Variants in LYRM7 observed in about 807,000 individuals in gnomAD.
LYRM7 encodes the protein LYR motif containing 7.
A neutral mutation model predicts 15.8 loss-of-function variants in LYRM7; 9 were observed. The ratio of observed to expected loss-of-function variants is 0.57; its 90% CI spans 0.34 to 0.99. The LOEUF (loss-of-function observed/expected upper bound fraction) is 0.99, where lower values mean the gene tolerates loss of function less well. Among genes scored for constraint, LYRM7 ranks in the 50% least tolerant of loss-of-function variants. LYRM7 has a pLI of 0.02. For missense variants in LYRM7, 115 were observed against 119.1 expected, an observed-to-expected ratio of 0.97 and a Z score of 0.16; for synonymous variants, 39 against 39.4, an observed-to-expected ratio of 0.99 and a Z score of 0.04.
intron 1 of LYRM7, among the ~76,000 whole-genome samples, chr5:131,171,303 G>A (rs115631711): frequency 6.4e-4 from 98 of 152,220 alleles, no homozygotes; most frequent in African/African-American, 2.2e-3. Flanking sequence ...ACAAATCTGC[G>A]ACTTGAGTTC....
chr5:131,179,525 G>C (rs930333697), intron 1 of LYRM7, among the ~76,000 whole-genome samples: 1 of 122,472 alleles, frequency 8.2e-6, no homozygotes, highest in Non-Finnish European at 1.6e-5. Flanking sequence ...CTGGAGTGTA[G>C]TAGTGCAGTC....
intron 4 of LYRM7, among the ~76,000 whole-genome samples, chr5:131,199,189 T>C (rs1756018471): frequency 1.3e-5 from 2 of 152,236 alleles, no homozygotes; most frequent in African/African-American, 4.8e-5. Context: ...GTAGATAGTA[T>C]AAGCAAAATT....
rs118076425 is a variant in LYRM7 at position 131,174,597 on chromosome 5, A to G, written c.18+3559A>G. On this transcript the variant is annotated intron_variant, in intron 1 of 4. Transcript: ENST00000379380. ...AAGTCTGGCTCACACCTCTAATCCC[A>G]GCACTATGGGAGGCTGAGGTGGGCA... is the stretch of plus-strand genomic sequence containing the variant. 8.3e-3 allele frequency among the ~76,000 whole-genome samples: 1,264 copies of G among 152,272 alleles called. 44 individuals carry two copies. The highest frequency in any genetic ancestry group is 0.053 in the East Asian group (277 of 5,178).
At chr5:131,171,522 A>T (rs1472490023) in intron 1 of LYRM7, 3 of 153,714 alleles carry the variant, frequency 2.0e-5, no homozygotes, top group African/African-American at 7.2e-5. Context: ...AGCAAGACAG[A>T]GCAGGGACTG....
intron 4 of LYRM7, among the ~76,000 whole-genome samples, chr5:131,194,093 A>T (rs17165965): frequency 0.019 from 2,820 of 152,320 alleles, 87 homozygotes; most frequent in African/African-American, 0.064. Flanking sequence ...AAGTACAGGA[A>T]ATAAACCATG....
chr5:131,180,347 A>C lies in LYRM7; in HGVS notation c.91+180A>C, dbSNP rs547410515. Among the ~76,000 whole-genome samples the C allele has an allele frequency of 2.6e-5, 4 of 152,220 alleles. No individual in the cohort carries two copies. In the East Asian group the frequency reaches 7.7e-4, roughly 29 times the overall value. The stretch of plus-strand genomic sequence containing the variant: ...TTTGAGAAATATCTACTTAAAGAAA[A>C]ATTTTTAAAGATCAAGTCTTCATAA... On this transcript the variant is annotated intron_variant, in intron 2 of 4. Coordinates refer to ENST00000379380, the MANE Select transcript of LYRM7 (RefSeq NM_181705.4).
chr5:131,195,583 C>G lies in LYRM7; in HGVS notation c.245-3948C>G, dbSNP rs573332252. Among the ~76,000 whole-genome samples the G allele has an allele frequency of 1.6e-4, 24 of 152,282 alleles. No homozygotes were observed. The South Asian group carries it at 5.0e-3, about 32-fold the overall frequency. On this transcript the variant is annotated intron_variant, in intron 4 of 4. Coordinates refer to ENST00000379380, the MANE Select transcript of LYRM7 (RefSeq NM_181705.4). ...ATTAGATATATGATTCATTTACTGA[C>G]TGGAACTTACTATTCTTCATTGCTT... is the stretch of plus-strand genomic sequence containing the variant.
intron 1 of LYRM7, among the ~76,000 whole-genome samples, chr5:131,175,455 T>C (rs555433460): frequency 6.6e-6 from 1 of 152,246 alleles, no homozygotes; most frequent in Admixed American, 6.5e-5. Context: ...TGCCTTGACC[T>C]CCCAAAGTGC....
At chr5:131,197,946 C>G (rs189653078) in intron 4 of LYRM7, among the ~76,000 whole-genome samples, 7 of 150,982 alleles carry the variant, frequency 4.6e-5, no homozygotes, top group Non-Finnish European at 8.8e-5. Context: ...AAAAAAAGTG[C>G]AAAAGTTGAA....
Position 131,170,949 on chromosome 5 carries a change from A to G in LYRM7, c.-72A>G, listed in dbSNP as rs1443385697. On this transcript the variant is annotated 5_prime_UTR_variant, in exon 1 of 5. Coordinates refer to ENST00000379380, the MANE Select transcript of LYRM7 (RefSeq NM_181705.4). ...GACTACAGGGGGCTGGAAACAGTTC[A>G]GTCTTTGATTGGTTGCTGAGAGGCG... 1.3e-6 allele frequency: 2 copies of G among 1,506,958 alleles called. No individual in the cohort carries two copies. The highest frequency in any genetic ancestry group is 1.3e-5 in the South Asian group (1 of 77,138). 93.3% of individuals were successfully genotyped at this position (1,506,958 alleles called of 1,614,324 possible).
intron 1 of LYRM7, among the ~76,000 whole-genome samples, chr5:131,171,954 A>AT (rs1755529722): frequency 6.6e-6 from 1 of 152,228 alleles, no homozygotes; most frequent in Non-Finnish European, 1.5e-5. Context: ...CATTTAGCCT[A>AT]TATTGTCTAA....
intron 1 of LYRM7, among the ~76,000 whole-genome samples, chr5:131,172,573 A>G (rs910111021): frequency 5.9e-5 from 9 of 152,198 alleles, no homozygotes; most frequent in Non-Finnish European, 1.2e-4. Context: ...ATACAAATGG[A>G]ATTAAGTAGG....
intron 1 of LYRM7, among the ~76,000 whole-genome samples, chr5:131,177,516 G>A (rs1468505353): frequency 6.6e-6 from 1 of 152,202 alleles, no homozygotes; most frequent in Non-Finnish European, 1.5e-5. Context: ...TTCTAAAGCA[G>A]ACATTTTTTC....
rs750968830 is a variant in LYRM7, at chr5:131,171,008, G to A, written c.-13G>A. ...CGACTGCTCTGGAGGTAGCGGCCGC[G>A]GTGAGGAGAGCCATGGGACGGGCAG... On this transcript the variant is annotated 5_prime_UTR_variant, in exon 1 of 5. Transcript: ENST00000379380. 2 of 1,546,982 alleles carry A rather than the reference G, an allele frequency of 1.3e-6. No homozygotes were observed. Among genetic ancestry groups the A allele is most frequent in the Admixed American group, 2.1e-5 (1 of 46,920 alleles).
chr5:131,194,658 G>A (rs1561548647), intron 4 of LYRM7, among the ~76,000 whole-genome samples: 1 of 152,200 alleles, frequency 6.6e-6, no homozygotes, highest in Non-Finnish European at 1.5e-5. Flanking sequence ...GGCAAGAGCA[G>A]ACATAGTAAG....
chr5:131,177,414 C>T (rs1323522172), intron 1 of LYRM7, among the ~76,000 whole-genome samples: 1 of 152,150 alleles, frequency 6.6e-6, no homozygotes, highest in Non-Finnish European at 1.5e-5. Flanking sequence ...TGTAGCTTTC[C>T]AATAAAGTGT....
chr5:131,183,146 A>G (rs10056689), intron 3 of LYRM7, among the ~76,000 whole-genome samples: 11,269 of 152,158 alleles, frequency 0.074, 867 homozygotes, highest in African/African-American at 0.19. Flanking sequence ...TAAAAAATGC[A>G]TTTATATTTA....
chr5:131,195,831 A>G (rs1419697296), intron 4 of LYRM7, among the ~76,000 whole-genome samples: 3 of 152,040 alleles, frequency 2.0e-5, no homozygotes, highest in Non-Finnish European at 2.9e-5. Context: ...GGGCCCCTAA[A>G]CTCCTATCAC....
At chr5:131,173,202 C>A (rs1238273268) in intron 1 of LYRM7, among the ~76,000 whole-genome samples, 2 of 152,194 alleles carry the variant, frequency 1.3e-5, no homozygotes, top group African/African-American at 2.4e-5. Flanking sequence ...CCAAGGCAAT[C>A]CAGGCTTTTA....
Sources: gnomAD v4.1 joint callset for allele counts (sites outside exome capture counted in the v4.1 genomes callset) on GRCh38, gnomAD v4.1.1 for gene constraint, MANE v1.5 for transcripts, NCBI Gene and HGNC (gene_info 2026-07-23, HGNC 2026-07-21) for gene names.